Variants in USP36 observed in about 807,000 individuals in gnomAD.
USP36 encodes ubiquitin specific peptidase 36.
A neutral mutation model predicts 111.5 loss-of-function variants in USP36; 59 were observed. The ratio of observed to expected loss-of-function variants is 0.53; its 90% CI spans 0.43 to 0.66. The LOEUF (loss-of-function observed/expected upper bound fraction) is 0.66. USP36 is among the 30% of genes least tolerant of loss of function. The probability of loss-of-function intolerance (pLI) is 0.00; values close to 1 mark genes in which losing one functional copy is unlikely to be tolerated. For synonymous variants in USP36, 628 were observed against 581.0 expected (o/e 1.08, Z -1.16); for missense variants, 1,488 against 1,468.0 (o/e 1.01, Z -0.22).
chr17:78,825,479 C>T (rs565076095), intron 6 of USP36, among the ~76,000 whole-genome samples: 2 of 151,970 alleles, frequency 1.3e-5, no homozygotes, highest in Non-Finnish European at 2.9e-5. Flanking sequence ...ATCTGGTGAG[C>T]CTTCATCTCT....
rs1179864523 is a variant in USP36 at position 78,821,980 on chromosome 17, A to G, written c.714T>C (p.Thr238=). 6.2e-7 allele frequency: 1 copy of G among 1,614,066 alleles called. No homozygotes were observed. The highest frequency in any genetic ancestry group is 8.5e-7 in the Non-Finnish European group (1 of 1,180,028). The change falls in exon 7 of 21, where the codon ACT becomes ACC. Residue 238 remains threonine (T), a synonymous_variant. Transcript: ENST00000449938. ...CAKLDRQTQA[T]TLVHQIFGGY... is the part of the protein sequence containing the mutation. Reference sequence around the variant, plus strand: ...CTCCAAAAATTTGATGGACCAAGGTAGTAGCCTGCGTTTGACGATCCAACC... The same window carrying G: ...CTCCAAAAATTTGATGGACCAAGGTGGTAGCCTGCGTTTGACGATCCAACC...
chr17:78,830,685 T>C (rs2145572995), intron 4 of USP36, among the ~76,000 whole-genome samples: 1 of 152,154 alleles, frequency 6.6e-6, no homozygotes, highest in East Asian at 1.9e-4. Context: ...TCCTTAGACT[T>C]CAAAATCAAT....
At chr17:78,825,681 C>T (rs1040025921) in intron 6 of USP36, among the ~76,000 whole-genome samples, 3 of 152,178 alleles carry the variant, frequency 2.0e-5, no homozygotes, top group Non-Finnish European at 4.4e-5. Context: ...TTTCTTCCAC[C>T]GTAGACTCTG....
intron 13 of USP36, among the ~76,000 whole-genome samples, chr17:78,810,134 T>C (rs533710040): frequency 6.6e-6 from 1 of 152,008 alleles, no homozygotes; most frequent in Admixed American, 6.5e-5. Flanking sequence ...CTTCTTTTTT[T>C]TGTAGACAAG....
downstream of USP36, among the ~76,000 whole-genome samples, chr17:78,792,452 A>C (rs1274827591): frequency 6.6e-6 from 1 of 151,724 alleles, no homozygotes; most frequent in Non-Finnish European, 1.5e-5. Flanking sequence ...GTTCCTTCCC[A>C]CTCTCCCACA....
intron 13 of USP36, among the ~76,000 whole-genome samples, chr17:78,808,515 T>A (rs980833700): frequency 4.6e-5 from 7 of 152,214 alleles, no homozygotes; most frequent in African/African-American, 7.2e-5. Flanking sequence ...CCTCTCAAAG[T>A]GCTGGGATTA....
At chr17:78,836,802 C>CACAAACGG (rs1567976161) in intron 2 of USP36, among the ~76,000 whole-genome samples, 12 of 141,512 alleles carry the variant, frequency 8.5e-5, no homozygotes, top group Non-Finnish European at 1.4e-4. Flanking sequence ...CACACGGACA[C>CACAAACGG]ACACACACAC....
rs754569051 is a variant in USP36, at chr17:78,807,426, C to T, written c.1618G>A (p.Ala540Thr). 38 of 1,614,062 alleles carry T rather than the reference C, an allele frequency of 2.4e-5. No individual in the cohort carries two copies. Among genetic ancestry groups the T allele is most frequent in the African/African-American group, 9.3e-5 (7 of 74,922 alleles). ...DDPGKKVKKP[A>T]PPQHFSPRTA... The stretch of plus-strand genomic sequence containing the variant: ...CTGGGGGAAAAGTGCTGTGGAGGAG[C>T]TGGCTTCTTCACCTTCTTTCCAGGG... Residue 540 changes from alanine to threonine, a missense_variant, in exon 14 of 21, where the codon GCT becomes ACT. This residue lies in a region of USP36 where 1,073 missense variants were observed against 994.1 expected (regional missense o/e 1.08). Coordinates refer to ENST00000449938, the MANE Select transcript of USP36 (RefSeq NM_001385174.1).
chr17:78,822,969 T>G (rs2094366395), intron 6 of USP36: 1 of 396,086 alleles, frequency 2.5e-6, no homozygotes, highest in East Asian at 3.6e-5. Flanking sequence ...CCCCGACTCC[T>G]CACTGGCACA....
At chr17:78,808,888 T>C (rs1258050235) in intron 13 of USP36, among the ~76,000 whole-genome samples, 1 of 152,106 alleles carries the variant, frequency 6.6e-6, no homozygotes, top group Non-Finnish European at 1.5e-5. Flanking sequence ...TTTCCTGTAC[T>C]TAGTACTCCA....
chr17:78,822,080 C>T (rs2094343438), intron 6 of USP36, 76 bp from the exon 7 acceptor site: 2 of 1,539,320 alleles, frequency 1.3e-6, no homozygotes, highest in Admixed American at 1.7e-5. Flanking sequence ...CCAGCAGCCC[C>T]ATGCCCACCA....
Position 78,798,666 on chromosome 17 carries a change from A to T in USP36, c.3241-115T>A. On this transcript the variant is annotated intron_variant, in intron 19 of 20. Coordinates refer to ENST00000449938, the MANE Select transcript of USP36 (RefSeq NM_001385174.1). This position sits in a 1 kb window ranked among gnomAD's most constrained non-coding sequence, Gnocchi z 5.1. ...GGCCGGGCTCTCATGAGCTCTCTGG[A>T]GACCCACTCTTCACAATGACCCCTG... The T allele has an allele frequency of 6.7e-7, 1 of 1,503,050 alleles. No homozygotes were observed. Among genetic ancestry groups the T allele is most frequent in the Non-Finnish European group, 9.0e-7 (1 of 1,109,040 alleles). 93.1% of individuals were successfully genotyped at this position (1,503,050 alleles called of 1,614,324 possible). A position where few individuals can be genotyped will look rare whatever the true frequency, so the allele number is the denominator to read the frequency against.
Position 78,798,356 on chromosome 17 carries a change from A to G in USP36, c.*20+44T>C. 2 of 1,606,242 alleles carry G rather than the reference A, an allele frequency of 1.2e-6. No homozygotes were observed. The highest frequency in any genetic ancestry group is 2.2e-5 in the South Asian group (2 of 90,882). On this transcript the variant is annotated intron_variant, in intron 20 of 20. Coordinates refer to ENST00000449938, the MANE Select transcript of USP36 (RefSeq NM_001385174.1). This position sits in a 1 kb window ranked among gnomAD's most constrained non-coding sequence, Gnocchi z 5.1. ...ACACCCCTACACACATACACGGCAC[A>G]CACACCCCCACCTCACCCTTACACC...
Position 78,798,212 on chromosome 17 carries a change from A to ACC in USP36, c.*20+186_*20+187dup. 1 of 684,806 alleles carries ACC rather than the reference A, an allele frequency of 1.5e-6. No homozygotes were observed. Among genetic ancestry groups the ACC allele is most frequent in the South Asian group, 2.0e-5 (1 of 51,024 alleles). 42.4% of individuals were successfully genotyped at this position (684,806 alleles called of 1,614,324 possible). Reference sequence around the variant, plus strand: ...CCTTATACACACGCATCCCACACACACCCTTCTCCAAGTGACTAGGACACA... The same window carrying ACC: ...CCTTATACACACGCATCCCACACACACCCCCTTCTCCAAGTGACTAGGACACA... On this transcript the variant is annotated intron_variant, in intron 20 of 20. Transcript: ENST00000449938. This position sits in a 1 kb window ranked among gnomAD's most constrained non-coding sequence, Gnocchi z 5.1.
chr17:78,801,668 C>T (rs1330442205), intron 17 of USP36, among the ~76,000 whole-genome samples: 1 of 152,180 alleles, frequency 6.6e-6, no homozygotes, highest in African/African-American at 2.4e-5. Context: ...GCAAGCAAAC[C>T]GTGCTATGTT....
intron 17 of USP36, 34 bp downstream of exon 17, chr17:78,802,290 C>G (rs1406395464): frequency 4.5e-6 from 7 of 1,538,942 alleles, no homozygotes; most frequent in Non-Finnish European, 6.1e-6. Flanking sequence ...CGGTGCACAC[C>G]CATGCGGTTC....
chr17:78,809,665 T>C (rs2094000853), intron 13 of USP36, among the ~76,000 whole-genome samples: 1 of 152,058 alleles, frequency 6.6e-6, no homozygotes, highest in South Asian at 2.1e-4. Context: ...AGGGTCTCAT[T>C]CTGTTGTCCA....
rs151331497 is a variant in USP36, at chr17:78,838,152, C to T, written c.-10+435G>A. ...AATCCCAGCACTTGGGAGGCCGAGA[C>T]GGGTGGATCAGGAGGTCAGGAATTC... On this transcript the variant is annotated intron_variant, in intron 2 of 20. Transcript: ENST00000449938. Among the ~76,000 whole-genome samples, 55 of 151,568 alleles carry T rather than the reference C, an allele frequency of 3.6e-4. No individual in the cohort carries two copies. The East Asian group carries it at 9.7e-3, about 27-fold the overall frequency.
downstream of USP36, among the ~76,000 whole-genome samples, chr17:78,792,468 C>T (rs1354449623): frequency 2.0e-5 from 3 of 152,282 alleles, no homozygotes; most frequent in South Asian, 4.1e-4. Context: ...CCACACCAAC[C>T]ACCCAGCCCC....
Sources: gnomAD v4.1 joint callset for allele counts (sites outside exome capture counted in the v4.1 genomes callset) on GRCh38, gnomAD v4.1.1 for gene constraint, gnomAD v4.1.1 regional missense constraint, Gnocchi (gnomAD v3.1) non-coding constraint, MANE v1.5 for transcripts, NCBI Gene and HGNC (gene_info 2026-07-23, HGNC 2026-07-21) for gene names.